The following VAV2 variants were observed in gnomAD, a reference collection of about 807,000 sequenced individuals.
VAV2 encodes guanine nucleotide exchange factor VAV2.
VAV2 carries 67 observed loss-of-function variants against 132.5 expected under a neutral mutation model. The ratio of observed to expected loss-of-function variants is 0.51; its 90% CI spans 0.42 to 0.62. VAV2 has a LOEUF of 0.62. VAV2 is among the 20% of genes least tolerant of loss of function. The pLI is 0.00. For synonymous variants in VAV2, 492 were observed against 443.5 expected (o/e 1.11, Z -1.37); for missense variants, 938 against 1,153.6 (o/e 0.81, Z 2.71).
intron 25 of VAV2, among the ~76,000 whole-genome samples, chr9:133,772,439 G>C (rs935005269): frequency 6.6e-6 from 1 of 152,128 alleles, no homozygotes; most frequent in Non-Finnish European, 1.5e-5. Flanking sequence ...TGTCCACTTG[G>C]CCGGCCAGGC....
chr9:133,765,902 T>A (rs556664), intron 29 of VAV2, among the ~76,000 whole-genome samples: 1 of 151,992 alleles, frequency 6.6e-6, no homozygotes, highest in African/African-American at 2.4e-5. Flanking sequence ...TTACTGACAC[T>A]TTTAAGTTGA....
chr9:133,965,494 C>CAAAAA (rs148320930), intron 1 of VAV2, among the ~76,000 whole-genome samples: 16 of 122,782 alleles, frequency 1.3e-4, no homozygotes, highest in African/African-American at 4.8e-4. Flanking sequence ...GCGAGACTGT[C>CAAAAA]AAAAAAAAAA....
Position 133,936,768 on chromosome 9 carries a change from T to C in VAV2, c.321+2335A>G, listed in dbSNP as rs1264659530. On this transcript the variant is annotated intron_variant, in intron 2 of 29. Coordinates refer to ENST00000371850, the MANE Select transcript of VAV2 (RefSeq NM_001134398.2). ...TCCCAGCACCCCACACCATGACTCA[T>C]GGTCCAAACCCGCCGTCTACTCCCA... Among the ~76,000 whole-genome samples, 9 of 152,120 alleles carry C rather than the reference T, an allele frequency of 5.9e-5. 1 individual carries two copies. The highest frequency in any genetic ancestry group is 1.0e-4 in the Non-Finnish European group (7 of 68,026).
At chr9:133,872,842 G>A (rs1032095977) in intron 2 of VAV2, among the ~76,000 whole-genome samples, 1 of 152,116 alleles carries the variant, frequency 6.6e-6, no homozygotes, top group South Asian at 2.1e-4. Flanking sequence ...ACACAAGGGG[G>A]TGGCTCACGC....
chr9:133,916,416 G>C (rs762780100), intron 2 of VAV2, among the ~76,000 whole-genome samples: 1 of 152,230 alleles, frequency 6.6e-6, no homozygotes, highest in East Asian at 1.9e-4. Context: ...GGGTGCCAAC[G>C]AGGGCCCGGG....
chr9:133,964,842 A>G (rs931161601), intron 1 of VAV2, among the ~76,000 whole-genome samples: 3 of 152,252 alleles, frequency 2.0e-5, no homozygotes, highest in African/African-American at 7.2e-5. Context: ...AAGGTCATAC[A>G]TGAGAAACCC....
chr9:133,881,896 G>A (rs1177537095), intron 2 of VAV2, among the ~76,000 whole-genome samples: 3 of 152,186 alleles, frequency 2.0e-5, no homozygotes, highest in East Asian at 1.9e-4. Flanking sequence ...CAGCAAGTAC[G>A]TGCTGAGAAC....
chr9:133,769,242 G>A lies in VAV2; in HGVS notation c.2434+175C>T, dbSNP rs1274619241. Among the ~76,000 whole-genome samples the A allele has an allele frequency of 1.3e-5, 2 of 152,196 alleles. No homozygotes were observed. The highest frequency in any genetic ancestry group is 4.8e-5 in the African/African-American group (2 of 41,446). On this transcript the variant is annotated intron_variant, in intron 28 of 29. Coordinates refer to ENST00000371850, the MANE Select transcript of VAV2 (RefSeq NM_001134398.2). The surrounding 1 kb of genome is among the most constrained non-coding windows in gnomAD (Gnocchi z 8.1). The stretch of plus-strand genomic sequence containing the variant: ...AAGCCTGACGTGTCCTCAGGTGCTC[G>A]CAGCAGCCTCTGCCCGGCCTCCCCA...
At chr9:133,955,401 CTCCCCACACTCCTCCCCA>C (rs1841722110) in intron 1 of VAV2, among the ~76,000 whole-genome samples, 1 of 141,524 alleles carries the variant, frequency 7.1e-6, no homozygotes. Context: ...CTCCTCCCCA[CTCCCCACACTCCTCCCCA>C]CCCCCCTGCT....
At chr9:133,971,062 G>A (rs1053063726) in intron 1 of VAV2, among the ~76,000 whole-genome samples, 6 of 152,170 alleles carry the variant, frequency 3.9e-5, no homozygotes, top group Non-Finnish European at 8.8e-5. Flanking sequence ...AGGAGCCCGC[G>A]GTGCCTCCTG....
At chr9:133,920,914 G>A (rs946990212) in intron 2 of VAV2, among the ~76,000 whole-genome samples, 2 of 152,210 alleles carry the variant, frequency 1.3e-5, no homozygotes, top group Non-Finnish European at 2.9e-5. Context: ...CGGCCCACCC[G>A]CTTCCTGGCT....
chr9:133,978,787 T>G (rs570545669), intron 1 of VAV2, among the ~76,000 whole-genome samples: 35 of 152,322 alleles, frequency 2.3e-4, no homozygotes, highest in Admixed American at 2.0e-4. Context: ...CCCAGTCCTG[T>G]CCCCTCCACG....
chr9:133,991,307 C>T lies in VAV2; in HGVS notation c.204+768G>A, dbSNP rs1588240262. Among the ~76,000 whole-genome samples the T allele has an allele frequency of 6.6e-6, 1 of 152,244 alleles. No homozygotes were observed. Among genetic ancestry groups the T allele is most frequent in the South Asian group, 2.1e-4 (1 of 4,834 alleles). ...TTCCCTCTTAAGAGGCCAAGAAAAG[C>T]AGCTTCGTTCGGCTGGGCAGGCATT... On this transcript the variant is annotated intron_variant, in intron 1 of 29. Coordinates refer to ENST00000371850, the MANE Select transcript of VAV2 (RefSeq NM_001134398.2). This position sits in a 1 kb window ranked among gnomAD's most constrained non-coding sequence, Gnocchi z 4.8.
chr9:133,940,686 T>TGCGTGTGC (rs146832734), intron 1 of VAV2, among the ~76,000 whole-genome samples: 16 of 149,770 alleles, frequency 1.1e-4, no homozygotes, highest in African/African-American at 2.8e-4. Flanking sequence ...TGTGTGTGTG[T>TGCGTGTGC]GTGTGTGTGT....
At chr9:133,920,823 C>T (rs1161478105) in intron 2 of VAV2, among the ~76,000 whole-genome samples, 1 of 152,086 alleles carries the variant, frequency 6.6e-6, no homozygotes, top group East Asian at 1.9e-4. Context: ...GTGAAAGGGG[C>T]CCCAACTGAG....
At chr9:133,937,289 A>T (rs1474435691) in intron 2 of VAV2, among the ~76,000 whole-genome samples, 2 of 151,412 alleles carry the variant, frequency 1.3e-5, no homozygotes, top group Non-Finnish European at 2.9e-5. Flanking sequence ...TATGTCTGTG[A>T]ATGTGTGTGT....
chr9:133,774,288 C>T (rs774514566), intron 25 of VAV2, among the ~76,000 whole-genome samples: 1 of 152,210 alleles, frequency 6.6e-6, no homozygotes, highest in African/African-American at 2.4e-5. Flanking sequence ...ACCCCCAGCT[C>T]CTGGTCGGCA....
intron 2 of VAV2, among the ~76,000 whole-genome samples, chr9:133,921,894 G>C (rs1840308920): frequency 6.6e-6 from 1 of 152,266 alleles, no homozygotes; most frequent in Non-Finnish European, 1.5e-5. Flanking sequence ...GTGTGGTTCT[G>C]ATCGTGATGG....
intron 2 of VAV2, among the ~76,000 whole-genome samples, chr9:133,924,534 C>T (rs184487973): frequency 1.3e-5 from 2 of 152,160 alleles, no homozygotes; most frequent in African/African-American, 4.8e-5. Flanking sequence ...ATCACAACAG[C>T]CCCCAGCCTC....
Sources: gnomAD v4.1 joint callset for allele counts (sites outside exome capture counted in the v4.1 genomes callset) on GRCh38, gnomAD v4.1.1 for gene constraint, Gnocchi (gnomAD v3.1) non-coding constraint, MANE v1.5 for transcripts, NCBI Gene and HGNC (gene_info 2026-07-23, HGNC 2026-07-21) for gene names.